Variants in GTF2H3 observed in about 807,000 individuals in gnomAD.
The protein encoded by GTF2H3 is general transcription factor IIH subunit 3.
A neutral mutation model predicts 51.1 loss-of-function variants in GTF2H3; 42 were observed. The ratio of observed to expected loss-of-function variants is 0.82; its 90% CI spans 0.64 to 1.06. The LOEUF is 1.06. Among genes scored for constraint, GTF2H3 ranks in the 50% least tolerant of loss-of-function variants. The pLI, the probability that GTF2H3 is intolerant of heterozygous loss-of-function variation, is 0.00. For synonymous variants in GTF2H3, 123 were observed against 123.8 expected (o/e 0.99, Z 0.04); for missense variants, 326 against 366.1 (o/e 0.89, Z 0.89).
chr12:123,641,015 G>A (rs771084274), intron 2 of GTF2H3, among the ~76,000 whole-genome samples: 2 of 152,008 alleles, frequency 1.3e-5, no homozygotes, highest in East Asian at 1.9e-4. Flanking sequence ...TTTAAGTTGC[G>A]TGATAGCGCA....
intron 7 of GTF2H3, among the ~76,000 whole-genome samples, chr12:123,653,979 C>T (rs1176395190): frequency 2.0e-5 from 3 of 152,034 alleles, no homozygotes; most frequent in South Asian, 2.1e-4. Context: ...TTATGAAGTC[C>T]GCAAGGAGCA....
intron 2 of GTF2H3, among the ~76,000 whole-genome samples, chr12:123,643,234 T>A (rs1361645518): frequency 2.6e-5 from 4 of 152,222 alleles, no homozygotes; most frequent in Non-Finnish European, 5.9e-5. Context: ...AAAATCAACA[T>A]AGGCATTCTG....
At chr12:123,648,161 G>A (rs758539716) in intron 4 of GTF2H3, 35 bp downstream of exon 4, 1 of 1,473,630 alleles carries the variant, frequency 6.8e-7, no homozygotes, top group East Asian at 2.3e-5. Context: ...TTTGCAAATA[G>A]TGTTGATTTT....
At chr12:123,657,170 T>C (rs1181467173) in intron 9 of GTF2H3, among the ~76,000 whole-genome samples, 2 of 151,624 alleles carry the variant, frequency 1.3e-5, no homozygotes, top group Non-Finnish European at 2.9e-5. Flanking sequence ...TTGTGGTTTT[T>C]GCCTTTTTTT....
At chr12:123,634,395 T>C (rs1002078746) in intron 1 of GTF2H3, among the ~76,000 whole-genome samples, 9 of 152,314 alleles carry the variant, frequency 5.9e-5, no homozygotes, top group Admixed American at 2.6e-4. Context: ...TGAGCTATTA[T>C]GGCAGTACTG....
Position 123,651,030 on chromosome 12 carries a change from C to A in GTF2H3, c.401C>A (p.Ala134Glu). The A allele has an allele frequency of 6.2e-7, 1 of 1,612,956 alleles. No homozygotes were observed. The highest frequency in any genetic ancestry group is 8.5e-7 in the Non-Finnish European group (1 of 1,179,000). Reference sequence around the variant, plus strand: ...GGTCAACATACAGAAACTTTGCTGGCAGGATCCCTGGCCAAAGCCCTTTGC... The same window carrying A: ...GGTCAACATACAGAAACTTTGCTGGAAGGATCCCTGGCCAAAGCCCTTTGC... ...IKGQHTETLL[A>E]GSLAKALCYI... The change falls in exon 5 of 13, where the codon GCA becomes GAA. Residue 134 changes from alanine to glutamate, a missense_variant. Physicochemically the swap from Ala to Glu is moderately radical, Grantham distance 107 (BLOSUM62 -1). Coordinates refer to ENST00000543341, the MANE Select transcript of GTF2H3 (RefSeq NM_001516.5).
intron 11 of GTF2H3, 31 bp from the exon 12 acceptor site, chr12:123,660,015 C>A: frequency 6.3e-7 from 1 of 1,589,298 alleles, no homozygotes; most frequent in Non-Finnish European, 8.5e-7. Flanking sequence ...TTTCAGCCAC[C>A]CTATTGTTTC....
At position 123,651,007 on chromosome 12, in the gene GTF2H3, T is replaced by C. The variant is rs1955512968; in HGVS notation, c.378T>C (p.Gly126=). Residue 126 remains glycine, a synonymous_variant, in exon 5 of 13, where the codon GGT becomes GGC. Transcript: ENST00000543341. ...TGTTATTTGCAGGTGACATAAAGGG[T>C]CAACATACAGAAACTTTGCTGGCAG... The part of the protein sequence containing the change: ...KDLMTKSDIK[G]QHTETLLAGS... 6.2e-7 allele frequency: 1 copy of C among 1,612,462 alleles called. No individual in the cohort carries two copies. Among genetic ancestry groups the C allele is most frequent in the Non-Finnish European group, 8.5e-7 (1 of 1,178,568 alleles).
Position 123,662,237 on chromosome 12 carries a change from A to G in GTF2H3, c.*2002A>G, listed in dbSNP as rs1955667532. 1 of 151,990 alleles carries G rather than the reference A, an allele frequency of 6.6e-6. No individual in the cohort carries two copies. The highest frequency in any genetic ancestry group is 2.1e-4 in the South Asian group (1 of 4,832). 9.4% of individuals were successfully genotyped at this position (151,990 alleles called of 1,614,324 possible). A position where few individuals can be genotyped will look rare whatever the true frequency, so the allele number is the denominator to read the frequency against. On this transcript the variant is annotated 3_prime_UTR_variant, in exon 13 of 13. Transcript: ENST00000543341. ...ATTTTCTCTTTATACAAGCTGAGTC[A>G]TATTTAAATAATTTGATGTTGGCTT...
At chr12:123,652,855 A>C in intron 7 of GTF2H3, 120 bp downstream of exon 7, 1 of 902,230 alleles carries the variant, frequency 1.1e-6, no homozygotes, top group Non-Finnish European at 1.6e-6. Flanking sequence ...AGGTGGGCAG[A>C]TCACTTGAGG....
intron 3 of GTF2H3, among the ~76,000 whole-genome samples, chr12:123,646,601 C>G (rs1332746795): frequency 6.6e-6 from 1 of 152,056 alleles, no homozygotes; most frequent in Non-Finnish European, 1.5e-5. Context: ...AGAAGTGACT[C>G]TTGCTCACCA....
Position 123,651,283 on chromosome 12 carries a change from T to A in GTF2H3, c.427+227T>A. 8.4e-6 allele frequency: 3 copies of A among 355,578 alleles called. No homozygotes were observed. The South Asian group carries it at 1.0e-4, about 12-fold the overall frequency. The allele number at this position is 355,578 out of a possible 1,614,324, so 22.0% of individuals were successfully genotyped here. On this transcript the variant is annotated intron_variant, in intron 5 of 12. Transcript: ENST00000543341. ...TGGAGTGCAGTGGCACAATCTCGGC[T>A]CACTGCAACCTTCGCCTCCCAGATT...
chr12:123,636,259 A>G (rs1202990055), intron 1 of GTF2H3, among the ~76,000 whole-genome samples: 2 of 152,200 alleles, frequency 1.3e-5, no homozygotes, highest in Non-Finnish European at 2.9e-5. Flanking sequence ...TTGGGATTGC[A>G]GATTCCGGTG....
At chr12:123,646,885 C>T (rs1207354812) in intron 3 of GTF2H3, among the ~76,000 whole-genome samples, 7 of 150,424 alleles carry the variant, frequency 4.7e-5, no homozygotes, top group Non-Finnish European at 8.9e-5. Flanking sequence ...GGTGCGGTGG[C>T]TCATGTCTGT....
At chr12:123,652,290 G>A (rs1472606182) in intron 5 of GTF2H3, among the ~76,000 whole-genome samples, 1 of 152,118 alleles carries the variant, frequency 6.6e-6, no homozygotes, top group Non-Finnish European at 1.5e-5. Flanking sequence ...CAAGTGTTGG[G>A]AATTTTAATT....
At chr12:123,657,504 C>T (rs1052146399) in intron 9 of GTF2H3, among the ~76,000 whole-genome samples, 11 of 152,246 alleles carry the variant, frequency 7.2e-5, no homozygotes, top group African/African-American at 2.2e-4. Context: ...ATGGCCTACT[C>T]CCTGCCTGCC....
chr12:123,648,580 T>C (rs1044092954), intron 4 of GTF2H3, among the ~76,000 whole-genome samples: 2 of 152,208 alleles, frequency 1.3e-5, no homozygotes, highest in African/African-American at 4.8e-5. Context: ...AATGCCTCCA[T>C]TTCAGCGTCC....
intron 2 of GTF2H3, chr12:123,639,889 G>GCGTA: frequency 2.5e-6 from 1 of 406,292 alleles, no homozygotes; most frequent in Non-Finnish European, 4.8e-6. Context: ...TTGTGTGTAT[G>GCGTA]CGTGCGTGCG....
At position 123,660,581 on chromosome 12, in the gene GTF2H3, T is replaced by G. The variant is rs1287606996; in HGVS notation, c.*346T>G. The G allele has an allele frequency of 5.6e-6, 1 of 177,186 alleles. No homozygotes were observed. The highest frequency in any genetic ancestry group is 1.2e-5 in the Non-Finnish European group (1 of 84,990). 11.0% of individuals were successfully genotyped at this position (177,186 alleles called of 1,614,324 possible). ...CTGAATCCGGGTCCTCATTGTGAAA[T>G]GCATGCCATACGAAATTTGAACGTA... is the stretch of plus-strand genomic sequence containing the variant. On this transcript the variant is annotated 3_prime_UTR_variant, in exon 13 of 13. Transcript: ENST00000543341.
Sources: allele counts gnomAD v4.1 joint callset (sites outside exome capture counted in the v4.1 genomes callset), GRCh38; gene constraint gnomAD v4.1.1; transcripts MANE v1.5; gene names NCBI Gene and HGNC (gene_info 2026-07-23, HGNC 2026-07-21).